The following RELN variants were observed in gnomAD, a reference collection of about 807,000 sequenced individuals.
RELN encodes reelin.
A neutral mutation model predicts 427.6 loss-of-function variants in RELN; 108 were observed. The observed-to-expected ratio is 0.25, with a 90% CI of 0.22 to 0.30. The LOEUF is 0.30. Ranked by LOEUF, RELN falls within the 10% of genes least tolerant of loss-of-function variation. The probability of loss-of-function intolerance (pLI) is 1.00; values close to 1 mark genes in which losing one functional copy is unlikely to be tolerated. For synonymous variants in RELN, 1,524 were observed against 1,513.4 expected (o/e 1.01, Z -0.16); for missense variants, 3,715 against 4,302.8 (o/e 0.86, Z 3.82).
intron 3 of RELN, among the ~76,000 whole-genome samples, chr7:103,825,795 A>G (rs1315240396): frequency 6.6e-6 from 1 of 152,122 alleles, no homozygotes; most frequent in Non-Finnish European, 1.5e-5. Context: ...TTTAATTTTA[A>G]TGAATTCAAA....
intron 37 of RELN, 83 bp from the exon 38 acceptor site, chr7:103,557,242 C>G: frequency 8.7e-7 from 1 of 1,151,856 alleles, no homozygotes; most frequent in Non-Finnish European, 1.3e-6. Flanking sequence ...CTTTAGGCAT[C>G]AATGCATAAG....
intron 1 of RELN, among the ~76,000 whole-genome samples, chr7:103,955,690 G>A (rs968216550): frequency 6.6e-6 from 1 of 152,156 alleles, no homozygotes; most frequent in African/African-American, 2.4e-5. Flanking sequence ...GTAAGGCCCC[G>A]ATCTACATGT....
intron 2 of RELN, among the ~76,000 whole-genome samples, chr7:103,887,042 T>C (rs1422450863): frequency 6.6e-6 from 1 of 152,224 alleles, no homozygotes; most frequent in Non-Finnish European, 1.5e-5. Context: ...TGAGAGGTCT[T>C]TATTAATTAA....
chr7:103,984,349 A>G (rs1266163562), intron 1 of RELN, among the ~76,000 whole-genome samples: 1 of 152,130 alleles, frequency 6.6e-6, no homozygotes, highest in East Asian at 1.9e-4. Flanking sequence ...ACGATACAAC[A>G]TTACCATTTT....
chr7:103,929,808 G>A (rs1219027206), intron 1 of RELN, among the ~76,000 whole-genome samples: 11 of 152,228 alleles, frequency 7.2e-5, no homozygotes, highest in Admixed American at 1.3e-4. Context: ...CAAGAAGGCA[G>A]AGCATTTGAC....
chr7:103,803,950 C>A (rs560969111), intron 3 of RELN, among the ~76,000 whole-genome samples: 8 of 151,950 alleles, frequency 5.3e-5, no homozygotes, highest in African/African-American at 1.9e-4. Flanking sequence ...ATCTCAAGGC[C>A]ATAAAAACCA....
intron 64 of RELN, among the ~76,000 whole-genome samples, chr7:103,474,046 C>T (rs1006584039): frequency 2.0e-5 from 3 of 152,074 alleles, no homozygotes; most frequent in African/African-American, 7.2e-5. Flanking sequence ...GTATAAGCTG[C>T]ATTATCAATC....
At chr7:103,641,100 G>A (rs1009757408) in intron 16 of RELN, among the ~76,000 whole-genome samples, 1 of 152,158 alleles carries the variant, frequency 6.6e-6, no homozygotes, top group African/African-American at 2.4e-5. Flanking sequence ...TTAAGAATAT[G>A]TTGTTGAGCC....
chr7:103,755,799 T>G (rs1584467513), intron 4 of RELN, among the ~76,000 whole-genome samples: 3 of 107,316 alleles, frequency 2.8e-5, no homozygotes, highest in South Asian at 3.0e-4. Flanking sequence ...GGGGACAGAG[T>G]GAGACTCCAC....
At chr7:103,692,987 T>C (rs1192670301) in intron 10 of RELN, among the ~76,000 whole-genome samples, 2 of 151,986 alleles carry the variant, frequency 1.3e-5, no homozygotes, top group Non-Finnish European at 2.9e-5. Context: ...GTGAGTGAGA[T>C]TTTCTGAGTT....
At chr7:103,909,837 A>T (rs868259189) in intron 2 of RELN, among the ~76,000 whole-genome samples, 3 of 95,514 alleles carry the variant, frequency 3.1e-5, no homozygotes, top group South Asian at 2.8e-4. Flanking sequence ...ATATATATTT[A>T]ATATATATAT....
At chr7:103,712,014 C>A (rs1190921919) in intron 8 of RELN, among the ~76,000 whole-genome samples, 2 of 152,060 alleles carry the variant, frequency 1.3e-5, no homozygotes, top group Non-Finnish European at 1.5e-5. Context: ...CCCTCATAGA[C>A]CTCATTAAAC....
chr7:103,617,107 C>A (rs1247632868), intron 20 of RELN, among the ~76,000 whole-genome samples: 5 of 152,116 alleles, frequency 3.3e-5, no homozygotes, highest in African/African-American at 1.2e-4. Flanking sequence ...CTCCCTTAAT[C>A]TACATTTTTT....
intron 63 of RELN, 178 bp from the exon 64 acceptor site, chr7:103,478,572 C>A: frequency 1.6e-6 from 1 of 638,920 alleles, no homozygotes; most frequent in South Asian, 1.7e-5. Context: ...CTTCTATACC[C>A]AAGATCTACA....
chr7:103,772,678 G>A (rs906320692), intron 4 of RELN, among the ~76,000 whole-genome samples: 5 of 152,200 alleles, frequency 3.3e-5, no homozygotes, highest in Non-Finnish European at 7.3e-5. Context: ...GATGTAAAAG[G>A]ATAGCCCAGG....
rs951224896 is a variant in RELN at position 103,603,798 on chromosome 7, T to C, written c.3147-308A>G. On this transcript the variant is annotated intron_variant, in intron 23 of 64. Coordinates refer to ENST00000428762, the MANE Select transcript of RELN (RefSeq NM_005045.4). The surrounding 1 kb of genome is among the most constrained non-coding windows in gnomAD (Gnocchi z 4.3). ...TGTGTGTTTGTGGGGGGCTGAGGGA[T>C]AGTGGGATTTCCCTATTGCCTTAAA... Among the ~76,000 whole-genome samples, 10 of 152,126 alleles carry C rather than the reference T, an allele frequency of 6.6e-5. No individual in the cohort carries two copies. Among genetic ancestry groups the C allele is most frequent in the Admixed American group, 4.6e-4 (7 of 15,268 alleles).
chr7:103,850,958 C>T (rs1269466735), intron 2 of RELN, among the ~76,000 whole-genome samples: 2 of 152,244 alleles, frequency 1.3e-5, no homozygotes, highest in East Asian at 3.9e-4. Flanking sequence ...GTAGAACTGC[C>T]ATTTGATCCA....
chr7:103,984,692 T>C (rs796738624), intron 1 of RELN, among the ~76,000 whole-genome samples: 3 of 152,314 alleles, frequency 2.0e-5, no homozygotes, highest in African/African-American at 7.2e-5. Flanking sequence ...CCAATTTTCA[T>C]AGTCCTATAT....
chr7:103,742,443 A>G (rs571134312), intron 6 of RELN, among the ~76,000 whole-genome samples: 1 of 152,352 alleles, frequency 6.6e-6, no homozygotes, highest in African/African-American at 2.4e-5. Flanking sequence ...TGACAGAAGA[A>G]GGCTTCAGAC....
Sources: allele counts gnomAD v4.1 joint callset (sites outside exome capture counted in the v4.1 genomes callset), GRCh38; gene constraint gnomAD v4.1.1; non-coding constraint Gnocchi (gnomAD v3.1); transcripts MANE v1.5; gene names NCBI Gene and HGNC (gene_info 2026-07-23, HGNC 2026-07-21).